Variants in RAB28 observed in about 807,000 individuals in gnomAD.
RAB28 encodes RAB28, member RAS oncogene family, also known as ras-related protein Rab-28.
In RAB28, 24 loss-of-function variants were observed where a neutral mutation model predicts 31.7. The ratio of observed to expected loss-of-function variants is 0.76; its 90% confidence interval spans 0.55 to 1.06. RAB28 has a LOEUF of 1.06. RAB28 is among the 50% of genes least tolerant of loss of function. The pLI, the probability that RAB28 is intolerant of heterozygous loss-of-function variation, is 0.00. For synonymous variants in RAB28, 100 were observed against 90.4 expected (o/e 1.11, Z -0.60); for missense variants, 254 against 258.5 (o/e 0.98, Z 0.12).
intron 4 of RAB28, among the ~76,000 whole-genome samples, chr4:13,424,643 C>G (rs28712224): frequency 0.096 from 14,592 of 152,192 alleles, 1,386 homozygotes; most frequent in African/African-American, 0.25. Context: ...TGAGAAACTA[C>G]AGTCAAGAGA....
intron 4 of RAB28, among the ~76,000 whole-genome samples, chr4:13,455,605 C>T (rs1715257901): frequency 6.6e-6 from 1 of 152,232 alleles, no homozygotes; most frequent in Non-Finnish European, 1.5e-5. Context: ...GCTGCAGCAG[C>T]TTGACTCACA....
At chr4:13,397,492 T>C (rs1349889704) in intron 4 of RAB28, among the ~76,000 whole-genome samples, 1 of 152,102 alleles carries the variant, frequency 6.6e-6, no homozygotes, top group African/African-American at 2.4e-5. Context: ...TATAAAAGTT[T>C]CCATTAAAAT....
At chr4:13,479,589 C>T in intron 1 of RAB28, 63 bp from the exon 2 acceptor site, 2 of 1,096,558 alleles carry the variant, frequency 1.8e-6, no homozygotes, top group Non-Finnish European at 2.7e-6. Flanking sequence ...CATAAGACCA[C>T]TATAAATCTT....
intron 4 of RAB28, among the ~76,000 whole-genome samples, chr4:13,400,244 T>C (rs1306923910): frequency 1.3e-5 from 2 of 152,202 alleles, no homozygotes; most frequent in Non-Finnish European, 1.5e-5. Context: ...ATAAAAGCTG[T>C]TGCTAGTAAG....
intron 3 of RAB28, among the ~76,000 whole-genome samples, chr4:13,465,838 G>A (rs1374939849): frequency 6.6e-6 from 1 of 151,064 alleles, no homozygotes; most frequent in Non-Finnish European, 1.5e-5. Flanking sequence ...CAAAGCTATA[G>A]TAATTACAAC....
At chr4:13,465,754 A>AACACAC (rs33979911) in intron 3 of RAB28, among the ~76,000 whole-genome samples, 2,373 of 142,172 alleles carry the variant, frequency 0.017, 25 homozygotes, top group African/African-American at 0.021. Context: ...GGCAATCATG[A>AACACAC]ACACACACAC....
At chr4:13,431,926 C>T (rs1712166881) in intron 4 of RAB28, among the ~76,000 whole-genome samples, 1 of 152,096 alleles carries the variant, frequency 6.6e-6, no homozygotes, top group African/African-American at 2.4e-5. Context: ...TACTACCTCT[C>T]TAGCAATGGA....
intron 2 of RAB28, among the ~76,000 whole-genome samples, chr4:13,477,554 A>C (rs1716418528): frequency 6.6e-6 from 1 of 151,490 alleles, no homozygotes; most frequent in Non-Finnish European, 1.5e-5. Flanking sequence ...ATACCTATTA[A>C]TTATATAAAA....
At position 13,462,430 on chromosome 4, in the gene RAB28, C is replaced by A. The variant is rs142152348; in HGVS notation, c.262-1602G>T. Among the ~76,000 whole-genome samples the A allele has an allele frequency of 4.6e-5, 7 of 152,126 alleles. No individual in the cohort carries two copies. The East Asian group carries it at 1.4e-3, about 29-fold the overall frequency. On this transcript the variant is annotated intron_variant, in intron 3 of 6. Coordinates refer to ENST00000330852, the MANE Select transcript of RAB28 (RefSeq NM_001017979.3). ...AGTGATAGAGATTAGGCATATAATA[C>A]CTTTGTTTTAATATAATGTGTGACT...
At chr4:13,397,984 G>A (rs1380491397) in intron 4 of RAB28, among the ~76,000 whole-genome samples, 3 of 151,914 alleles carry the variant, frequency 2.0e-5, no homozygotes, top group African/African-American at 7.3e-5. Context: ...AAGAGCAGCA[G>A]CCGGTATCAA....
chr4:13,452,828 G>C (rs569559900), intron 4 of RAB28, among the ~76,000 whole-genome samples: 63 of 152,092 alleles, frequency 4.1e-4, no homozygotes, highest in South Asian at 3.3e-3. Context: ...TTTATTTGTT[G>C]ATTTTCTGTT....
chr4:13,458,778 A>T (rs1222410583), intron 4 of RAB28, among the ~76,000 whole-genome samples: 1 of 152,226 alleles, frequency 6.6e-6, no homozygotes, highest in Non-Finnish European at 1.5e-5. Flanking sequence ...GTATGGGAAC[A>T]TGCTATACAA....
chr4:13,479,333 T>C lies in RAB28; in HGVS notation c.172+97A>G, dbSNP rs28590230. ...TTTACTGTTTATATACATCTTCATG[T>C]AGAAGCAGCCCCAAAATTTTACACA... On this transcript the variant is annotated intron_variant, in intron 2 of 6. Transcript: ENST00000330852. 4,030 of 792,330 alleles carry C rather than the reference T, an allele frequency of 5.1e-3. 94 individuals carry two copies. In the African/African-American group the frequency reaches 0.058, roughly 11 times the overall value. The allele number at this position is 792,330 out of a possible 1,614,324, so 49.1% of individuals were successfully genotyped here. A position where few individuals can be genotyped will look rare whatever the true frequency, so the allele number is the denominator to read the frequency against.
At chr4:13,393,493 G>A (rs1560274615) in intron 4 of RAB28, among the ~76,000 whole-genome samples, 2 of 152,194 alleles carry the variant, frequency 1.3e-5, no homozygotes, top group South Asian at 4.1e-4. Flanking sequence ...GCACAAAAAG[G>A]GAATTCTTGC....
chr4:13,417,193 C>A (rs1712834070), intron 4 of RAB28, among the ~76,000 whole-genome samples: 1 of 152,220 alleles, frequency 6.6e-6, no homozygotes, highest in South Asian at 2.1e-4. Flanking sequence ...GAGGGGCATC[C>A]TCCATTGCTG....
Position 13,367,862 on chromosome 4 carries a change from T to G in RAB28, c.*696A>C. On this transcript the variant is annotated 3_prime_UTR_variant, in exon 7 of 7. Coordinates refer to ENST00000330852, the MANE Select transcript of RAB28 (RefSeq NM_001017979.3). The stretch of plus-strand genomic sequence containing the variant: ...TCCACGTGGAGCATCAGCTGAACAT[T>G]TATCAGAATTCAGAAAGCCTTCAAA... The G allele has an allele frequency of 1.0e-6, 1 of 985,050 alleles. No homozygotes were observed. Among genetic ancestry groups the G allele is most frequent in the Non-Finnish European group, 1.2e-6 (1 of 829,620 alleles). The allele number at this position is 985,050 out of a possible 1,614,324, so 61.0% of individuals were successfully genotyped here.
intron 4 of RAB28, among the ~76,000 whole-genome samples, chr4:13,419,964 A>G (rs1713026893): frequency 6.6e-6 from 1 of 152,160 alleles, no homozygotes. Flanking sequence ...CAATGAATCC[A>G]GGAGCTGGTT....
At chr4:13,369,014 T>C (rs1407845176) in intron 6 of RAB28, among the ~76,000 whole-genome samples, 3 of 152,124 alleles carry the variant, frequency 2.0e-5, no homozygotes, top group Non-Finnish European at 4.4e-5. Flanking sequence ...GAACTCATCA[T>C]TTCAAAGTAA....
intron 4 of RAB28, among the ~76,000 whole-genome samples, chr4:13,452,780 A>C (rs1354009151): frequency 6.6e-6 from 1 of 152,098 alleles, no homozygotes. Flanking sequence ...AACGTCTGTT[A>C]GGTGCAGTTT....
Sources: allele counts gnomAD v4.1 joint callset (sites outside exome capture counted in the v4.1 genomes callset), GRCh38; gene constraint gnomAD v4.1.1; transcripts MANE v1.5; gene names NCBI Gene and HGNC (gene_info 2026-07-23, HGNC 2026-07-21).